IQGAP2: variants seen among roughly 807,000 people sequenced by gnomAD.
IQGAP2 encodes the protein IQ motif containing GTPase activating protein 2, also known as ras GTPase-activating-like protein IQGAP2.
IQGAP2 carries 173 observed loss-of-function variants against 201.3 expected under a neutral mutation model. The ratio of observed to expected loss-of-function variants is 0.86; its 90% CI spans 0.76 to 0.98. The LOEUF (loss-of-function observed/expected upper bound fraction) is 0.98. Ranked by LOEUF, IQGAP2 falls within the 50% of genes least tolerant of loss-of-function variation. The pLI is 0.00. For missense variants in IQGAP2, 1,687 were observed against 1,864.8 expected (o/e 0.90, Z 1.76); for synonymous variants, 675 against 673.9 (o/e 1.00, Z -0.03).
chr5:76,654,929 T>C lies in IQGAP2; in HGVS notation c.2251-5T>C. On this transcript the variant is annotated splice_region_variant and splice_polypyrimidine_tract_variant and intron_variant, in intron 19 of 35. Transcript: ENST00000274364. ...GAGATCAAGACTTGTCTTAATCTTT[T>C]GCAGAATAATGAAATTGTGAAAATA... 6.2e-7 allele frequency: 1 copy of C among 1,603,764 alleles called. No individual in the cohort carries two copies. Among genetic ancestry groups the C allele is most frequent in the Non-Finnish European group, 8.5e-7 (1 of 1,170,848 alleles).
chr5:76,523,489 C>T (rs980822649), intron 2 of IQGAP2, among the ~76,000 whole-genome samples: 2 of 152,162 alleles, frequency 1.3e-5, no homozygotes, highest in African/African-American at 2.4e-5. Flanking sequence ...AGGGAATTTG[C>T]ATGTCTTTCT....
chr5:76,605,703 G>A (rs574700111), intron 11 of IQGAP2, among the ~76,000 whole-genome samples: 1 of 152,286 alleles, frequency 6.6e-6, no homozygotes, highest in South Asian at 2.1e-4. Flanking sequence ...TCTATATTAG[G>A]GTTGTAGTAG....
chr5:76,409,072 T>C (rs1750957817), intron 1 of IQGAP2, among the ~76,000 whole-genome samples: 1 of 150,810 alleles, frequency 6.6e-6, no homozygotes. Context: ...GGATTACAGG[T>C]GTGAGCCACC....
intron 30 of IQGAP2, among the ~76,000 whole-genome samples, chr5:76,691,932 A>G (rs1465023395): frequency 6.6e-6 from 1 of 152,248 alleles, no homozygotes; most frequent in Non-Finnish European, 1.5e-5. Context: ...TCTCATTTCT[A>G]AATTTCATGC....
At chr5:76,471,710 A>T (rs926201813) in intron 2 of IQGAP2, among the ~76,000 whole-genome samples, 4 of 13,886 alleles carry the variant, frequency 2.9e-4, no homozygotes, top group Non-Finnish European at 7.2e-4. Context: ...GATTAGTTTA[A>T]AAAAAAAAAG....
intron 2 of IQGAP2, among the ~76,000 whole-genome samples, chr5:76,538,742 A>G (rs1372043717): frequency 6.6e-6 from 1 of 152,028 alleles, no homozygotes; most frequent in Non-Finnish European, 1.5e-5. Context: ...TCATTCTTTC[A>G]TCTTTCCAAA....
intron 17 of IQGAP2, among the ~76,000 whole-genome samples, chr5:76,641,562 C>T (rs1751585348): frequency 6.6e-6 from 1 of 152,168 alleles, no homozygotes; most frequent in Non-Finnish European, 1.5e-5. Context: ...TGTAATCTGT[C>T]ACTCTTCATT....
rs766534735 is a variant in IQGAP2, at chr5:76,706,307, CA to C, written c.4615-892del. ...TCTTGCTCACTTCACTTTAAAAAAA[CA>C]CTGCTTTCTGTGTTTTTGTTTTTGT... is the stretch of plus-strand genomic sequence containing the variant. On this transcript the variant is annotated intron_variant, in intron 35 of 35. Transcript: ENST00000274364. Among the ~76,000 whole-genome samples the C allele has an allele frequency of 5.0e-4, 75 of 150,716 alleles. 1 individual carries two copies. Among genetic ancestry groups the C allele is most frequent in the Middle Eastern group, 6.8e-3 (2 of 294 alleles).
At chr5:76,618,971 A>T (rs540273255) in intron 13 of IQGAP2, among the ~76,000 whole-genome samples, 10 of 152,344 alleles carry the variant, frequency 6.6e-5, no homozygotes, top group Admixed American at 4.6e-4. Flanking sequence ...TACTTAATAG[A>T]TTCAGATGTT....
chr5:76,515,606 T>C (rs1291621312), intron 2 of IQGAP2, among the ~76,000 whole-genome samples: 1 of 152,214 alleles, frequency 6.6e-6, no homozygotes, highest in Non-Finnish European at 1.5e-5. Context: ...AGTGCATCTA[T>C]AGGAACAAAT....
chr5:76,449,190 C>T (rs546065592), intron 1 of IQGAP2, among the ~76,000 whole-genome samples: 8 of 152,256 alleles, frequency 5.3e-5, no homozygotes, highest in African/African-American at 1.7e-4. Context: ...TGTGTGTGTA[C>T]GATTTCTCTA....
chr5:76,497,861 AT>A (rs1451971027), intron 2 of IQGAP2, among the ~76,000 whole-genome samples: 1 of 152,188 alleles, frequency 6.6e-6, no homozygotes, highest in African/African-American at 2.4e-5. Flanking sequence ...GCCCTGAAGA[AT>A]ATTTGGAACC....
At chr5:76,438,383 C>G (rs1752837263) in intron 1 of IQGAP2, among the ~76,000 whole-genome samples, 1 of 152,052 alleles carries the variant, frequency 6.6e-6, no homozygotes, top group South Asian at 2.1e-4. Flanking sequence ...CAGAGGAGTT[C>G]ATAGTATTCT....
At chr5:76,529,444 A>G (rs542952998) in intron 2 of IQGAP2, among the ~76,000 whole-genome samples, 2 of 152,146 alleles carry the variant, frequency 1.3e-5, no homozygotes, top group East Asian at 1.9e-4. Flanking sequence ...CCTGGCCAAC[A>G]TGGTGAAACC....
In IQGAP2 at chr5:76,610,050, T is replaced by TTCTCTCTCTCTCTC. The variant is rs71604297; in HGVS notation, c.1358-956_1358-943dup. Among the ~76,000 whole-genome samples the TTCTCTCTCTCTCTC allele has an allele frequency of 9.5e-3, 181 of 19,036 alleles. 37 individuals carry two copies. Among genetic ancestry groups the TTCTCTCTCTCTCTC allele is most frequent in the African/African-American group, 0.015 (50 of 3,294 alleles). 12.5% of individuals were successfully genotyped at this position (19,036 alleles called of 152,430 possible). On this transcript the variant is annotated intron_variant, in intron 12 of 35. Transcript: ENST00000274364. ...CCCTATAGTCAGTCTTGTTCTCTCTTTCTCTCTCTCTCTCTCTCTCTCTCT... is the reference window on the plus strand; with the variant it reads ...CCCTATAGTCAGTCTTGTTCTCTCTTTCTCTCTCTCTCTCTCTCTCTCTCTCTCTCTCTCTCTCT...
chr5:76,492,072 T>C (rs1377149350), intron 2 of IQGAP2, among the ~76,000 whole-genome samples: 2 of 152,162 alleles, frequency 1.3e-5, no homozygotes, highest in African/African-American at 2.4e-5. Context: ...AGTAATAACA[T>C]CATAAGCAGG....
chr5:76,542,071 CCT>C (rs1436698045), intron 2 of IQGAP2, among the ~76,000 whole-genome samples: 2 of 152,096 alleles, frequency 1.3e-5, no homozygotes, highest in African/African-American at 4.8e-5. Context: ...GAAACCTCAC[CCT>C]CTTGGGCTGC....
At chr5:76,522,243 C>T (rs1758729771) in intron 2 of IQGAP2, among the ~76,000 whole-genome samples, 1 of 150,378 alleles carries the variant, frequency 6.6e-6, no homozygotes, top group African/African-American at 2.5e-5. Context: ...AGTACAGTGG[C>T]GCAATCTCGG....
chr5:76,669,605 C>T (rs1234944910), intron 23 of IQGAP2, among the ~76,000 whole-genome samples: 1 of 152,088 alleles, frequency 6.6e-6, no homozygotes, highest in South Asian at 2.1e-4. Context: ...TGACCTAAAA[C>T]CTTGAGGAAC....
Sources: gnomAD v4.1 joint callset for allele counts (sites outside exome capture counted in the v4.1 genomes callset) on GRCh38, gnomAD v4.1.1 for gene constraint, MANE v1.5 for transcripts, NCBI Gene and HGNC (gene_info 2026-07-23, HGNC 2026-07-21) for gene names.